The following SORCS1 variants were observed in gnomAD, a reference collection of about 807,000 sequenced individuals.
SORCS1 encodes sortilin related VPS10 domain containing receptor 1, also known as VPS10 domain-containing receptor SorCS1.
In SORCS1, 60 loss-of-function variants were observed where a neutral mutation model predicts 146.1. The observed-to-expected ratio is 0.41, with a 90% CI of 0.33 to 0.51. The LOEUF is 0.51. Ranked by LOEUF, SORCS1 falls within the 20% of genes least tolerant of loss-of-function variation. The pLI is 0.21. For synonymous variants in SORCS1, 637 were observed against 584.0 expected (o/e 1.09, Z -1.31); for missense variants, 1,352 against 1,487.6 (o/e 0.91, Z 1.50).
At chr10:107,022,212 T>G (rs910460656) in intron 1 of SORCS1, among the ~76,000 whole-genome samples, 1 of 152,146 alleles carries the variant, frequency 6.6e-6, no homozygotes, top group Non-Finnish European at 1.5e-5. Flanking sequence ...TCTTCTCTCT[T>G]CTATTTAGGA....
chr10:107,080,884 C>T (rs1963278461), intron 1 of SORCS1, among the ~76,000 whole-genome samples: 1 of 152,168 alleles, frequency 6.6e-6, no homozygotes, highest in Non-Finnish European at 1.5e-5. Context: ...CTCACCAGGA[C>T]CCTTCTTTCT....
intron 4 of SORCS1, among the ~76,000 whole-genome samples, chr10:106,775,891 G>T (rs11193045): frequency 6.6e-6 from 1 of 152,048 alleles, no homozygotes; most frequent in South Asian, 2.1e-4. Flanking sequence ...TATATATGTC[G>T]TATAGAGTAC....
At chr10:106,822,782 G>GTTTTTTTTTTT (rs1158921880) in intron 3 of SORCS1, among the ~76,000 whole-genome samples, 2,747 of 112,766 alleles carry the variant, frequency 0.024, 72 homozygotes, top group South Asian at 0.034. Context: ...TTCATGTGTG[G>GTTTTTTTTTTT]TTTTTTTTTT....
At chr10:107,136,402 T>C (rs1590215231) in intron 1 of SORCS1, among the ~76,000 whole-genome samples, 1 of 152,100 alleles carries the variant, frequency 6.6e-6, no homozygotes, top group African/African-American at 2.4e-5. Flanking sequence ...CCACATAGCC[T>C]ACAACAAAAA....
At chr10:106,865,090 G>T (rs1203799918) in intron 2 of SORCS1, among the ~76,000 whole-genome samples, 1 of 151,852 alleles carries the variant, frequency 6.6e-6, no homozygotes, top group East Asian at 1.9e-4. Context: ...GTGACCAGGG[G>T]CTGAATCAGA....
intron 3 of SORCS1, among the ~76,000 whole-genome samples, chr10:106,787,096 C>A (rs934418354): frequency 6.6e-6 from 1 of 152,202 alleles, no homozygotes; most frequent in African/African-American, 2.4e-5. Flanking sequence ...TTAAAGTGTG[C>A]CTAAGCAACT....
At chr10:106,623,306 G>C (rs563702199) in intron 19 of SORCS1, among the ~76,000 whole-genome samples, 2 of 148,816 alleles carry the variant, frequency 1.3e-5, no homozygotes, top group Admixed American at 6.8e-5. Context: ...GCAGCGGCAC[G>C]ATCTCGGAGC....
At chr10:106,791,604 C>A (rs189070321) in intron 3 of SORCS1, among the ~76,000 whole-genome samples, 208 of 152,244 alleles carry the variant, frequency 1.4e-3, no homozygotes, top group African/African-American at 4.6e-3. Context: ...GAGGCTAAGG[C>A]AGGAGAATCG....
At chr10:107,017,171 T>A (rs1218731856) in intron 1 of SORCS1, among the ~76,000 whole-genome samples, 3 of 152,172 alleles carry the variant, frequency 2.0e-5, no homozygotes, top group Admixed American at 6.5e-5. Flanking sequence ...CAAAAATGCA[T>A]ATATTTGAGC....
At chr10:106,880,372 T>C (rs1028473907) in intron 2 of SORCS1, among the ~76,000 whole-genome samples, 63 of 152,318 alleles carry the variant, frequency 4.1e-4, no homozygotes, top group East Asian at 1.7e-3. Flanking sequence ...AAAATACCTA[T>C]GAACATATTT....
intron 2 of SORCS1, among the ~76,000 whole-genome samples, chr10:106,872,394 G>T (rs906894493): frequency 7.2e-5 from 11 of 152,204 alleles, no homozygotes; most frequent in South Asian, 4.1e-4. Flanking sequence ...CTGAGGAAGA[G>T]AGCTGTAGCA....
rs34227817 is a variant in SORCS1, at chr10:107,134,638, C to CAA, written c.558+29329_558+29330dup. 1.1e-4 allele frequency among the ~76,000 whole-genome samples: 16 copies of CAA among 150,300 alleles called. No individual in the cohort carries two copies. The South Asian group carries it at 3.4e-3, about 32-fold the overall frequency. On this transcript the variant is annotated intron_variant, in intron 1 of 25. Transcript: ENST00000263054. ...TGGGCATCAGACCGAGACTCCATCT[C>CAA]AAAAAAAAAGACTTATATTCCATCA...
intron 2 of SORCS1, among the ~76,000 whole-genome samples, chr10:106,892,589 T>G (rs1038430813): frequency 1.3e-5 from 2 of 152,246 alleles, no homozygotes; most frequent in African/African-American, 4.8e-5. Context: ...ATTTATTCAT[T>G]CATTTATACA....
At position 106,759,242 on chromosome 10, in the gene SORCS1, T is replaced by TGATTTCAG. The variant is rs202108823; in HGVS notation, c.959+2338_959+2345dup. ...CTCTAAAGGCTGATGAGAGGCAGTG[T>TGATTTCAG]GATTTCAGGAGGAATCAAGAGGAGA... On this transcript the variant is annotated intron_variant, in intron 5 of 25. Coordinates refer to ENST00000263054, the MANE Select transcript of SORCS1 (RefSeq NM_052918.5). Among the ~76,000 whole-genome samples the TGATTTCAG allele has an allele frequency of 9.2e-5, 14 of 152,336 alleles. No homozygotes were observed. In the East Asian group the frequency reaches 2.7e-3, roughly 29 times the overall value.
chr10:106,836,558 T>TACAG (rs1268267692), intron 2 of SORCS1, among the ~76,000 whole-genome samples: 1 of 151,556 alleles, frequency 6.6e-6, no homozygotes, highest in Non-Finnish European at 1.5e-5. Flanking sequence ...CATGCCTCTG[T>TACAG]CAAAAGCCAC....
At chr10:106,869,208 C>A (rs1005837440) in intron 2 of SORCS1, among the ~76,000 whole-genome samples, 7 of 152,022 alleles carry the variant, frequency 4.6e-5, no homozygotes, top group Non-Finnish European at 8.8e-5. Context: ...AACAGTCTAC[C>A]AACCAATAAA....
chr10:106,683,170 C>T (rs118117993), intron 10 of SORCS1, among the ~76,000 whole-genome samples: 1 of 152,178 alleles, frequency 6.6e-6, no homozygotes, highest in Non-Finnish European at 1.5e-5. Flanking sequence ...TACTAGTTAC[C>T]TTTCTTTGCC....
intron 22 of SORCS1, among the ~76,000 whole-genome samples, chr10:106,611,689 G>A (rs1157677023): frequency 6.6e-6 from 1 of 152,214 alleles, no homozygotes; most frequent in Non-Finnish European, 1.5e-5. Flanking sequence ...AGGACCCCAT[G>A]TTTGTCCGTG....
intron 2 of SORCS1, among the ~76,000 whole-genome samples, chr10:106,893,979 T>G (rs1214146598): frequency 1.3e-5 from 2 of 152,210 alleles, no homozygotes; most frequent in African/African-American, 4.8e-5. Flanking sequence ...GACTTTCAAC[T>G]ACTTACTACA....
Sources: allele counts gnomAD v4.1 joint callset (sites outside exome capture counted in the v4.1 genomes callset), GRCh38; gene constraint gnomAD v4.1.1; transcripts MANE v1.5; gene names NCBI Gene and HGNC (gene_info 2026-07-23, HGNC 2026-07-21).